SPTBN5: variants seen among roughly 807,000 people sequenced by gnomAD.
The protein encoded by SPTBN5 is spectrin beta chain, non-erythrocytic 5.
In SPTBN5, 513 loss-of-function variants were observed where a neutral mutation model predicts 477.6. That is an observed-to-expected ratio of 1.07 (90% CI 1.00 to 1.16). The LOEUF (loss-of-function observed/expected upper bound fraction) is 1.16, where lower values mean the gene tolerates loss of function less well. Among genes scored for constraint, SPTBN5 ranks in the 50% most tolerant of loss-of-function variants. SPTBN5 has a pLI of 0.00. For missense variants in SPTBN5, 5,062 were observed against 4,731.8 expected (o/e 1.07, Z -2.05); for synonymous variants, 2,169 against 2,011.7 (o/e 1.08, Z -2.09).
Position 41,849,946 on chromosome 15 carries a change from G to A in SPTBN5, c.10935C>T (p.Ser3645=), listed in dbSNP as rs1205192009. 1.3e-6 allele frequency: 2 copies of A among 1,593,424 alleles called. No homozygotes were observed. The highest frequency in any genetic ancestry group is 2.3e-5 in the East Asian group (1 of 43,994). ...ALGSTAAQSL[S]PKLKAKPVSS... is the part of the protein sequence containing the mutation. ...TGACAGGTTTGGCTTTGAGTTTTGG[G>A]CTCAGACTCTGGGCTGCAGAGCAAG... The change falls in exon 67 of 68, where the codon AGC becomes AGT. Residue 3645 remains serine (S), a synonymous_variant. Transcript: ENST00000320955.
rs1412531882 is a variant in SPTBN5, at chr15:41,873,757, G to A, written c.4890+88C>T. On this transcript the variant is annotated intron_variant, in intron 25 of 67. Transcript: ENST00000320955. ...CTCCCAGCCCAGAGCCCCCACCACT[G>A]ATCCGCCTCCCTGAGAGTCCCACAG... 5 of 1,554,916 alleles carry A rather than the reference G, an allele frequency of 3.2e-6. No individual in the cohort carries two copies. In the East Asian group the frequency reaches 1.1e-4, roughly 35 times the overall value.
Position 41,870,373 on chromosome 15 carries a change from G to A in SPTBN5, c.5563-20C>T, listed in dbSNP as rs755704564. 3 of 1,593,314 alleles carry A rather than the reference G, an allele frequency of 1.9e-6. No individual in the cohort carries two copies. Among genetic ancestry groups the A allele is most frequent in the South Asian group, 2.3e-5 (2 of 88,242 alleles). ...TTTCTCCTGAGGAAGGGAGAATGCC[G>A]AGGAGATGAGGGATGGAGCGTGGGC... is the stretch of plus-strand genomic sequence containing the variant. On this transcript the variant is annotated intron_variant, in intron 30 of 67. Transcript: ENST00000320955.
rs373502454 is a variant in SPTBN5 at position 41,868,568 on chromosome 15, G to A, written c.5887C>T (p.Arg1963Cys). ...CTCTCCTCCACCTGCAGGTCCTGGC[G>A]CACGCGGGCTGCCCAGGAGGCATAG... Reference protein sequence around the residue: ...RDYASWAARVRQDLQVEESSQ... With the variant: ...RDYASWAARVCQDLQVEESSQ... The change falls in exon 33 of 68, where the codon CGC (arginine) becomes TGC (cysteine). Residue 1963 changes from arginine (R) to cysteine (C), a missense_variant. Physicochemically the swap from Arg to Cys is radical, Grantham distance 180. Coordinates refer to ENST00000320955, the MANE Select transcript of SPTBN5 (RefSeq NM_016642.4). The A allele has an allele frequency of 7.6e-5, 121 of 1,601,788 alleles. No homozygotes were observed. Among genetic ancestry groups the A allele is most frequent in the Middle Eastern group, 1.6e-4 (1 of 6,080 alleles).
intron 44 of SPTBN5, 45 bp from the exon 45 acceptor site, chr15:41,861,968 C>CA: frequency 6.4e-7 from 1 of 1,569,854 alleles, no homozygotes; most frequent in South Asian, 1.2e-5. Flanking sequence ...GGAAGCAGCC[C>CA]AGCAGGCAGG....
intron 26 of SPTBN5, 89 bp downstream of exon 26, chr15:41,873,403 G>T: frequency 2.0e-6 from 2 of 989,968 alleles, no homozygotes; most frequent in East Asian, 2.6e-5. Context: ...GCAGGGCTCC[G>T]TGCCTCTGAG....
intron 20 of SPTBN5, 122 bp from the exon 21 acceptor site, chr15:41,876,406 G>T (rs1205468282): frequency 2.2e-6 from 3 of 1,382,470 alleles, no homozygotes; most frequent in Non-Finnish European, 2.9e-6. Context: ...AACCTGAGCT[G>T]TGTTGCCTGC....
In SPTBN5 at chr15:41,871,440, CGCCAGCA is replaced by C; in HGVS notation, c.5375_5381del (p.Leu1792ArgfsTer5). ...TGTGCCCACGCTCTAGCAGGCTCTC[CGCCAGCA>C]GCCGGCAGGCGGCCACCCGCTGGCT... On this transcript the variant is annotated frameshift_variant, in exon 29 of 68. Transcript: ENST00000320955. LOFTEE classifies it high-confidence loss of function. 1 of 1,542,340 alleles carries C rather than the reference CGCCAGCA, an allele frequency of 6.5e-7. No individual in the cohort carries two copies. The highest frequency in any genetic ancestry group is 8.7e-7 in the Non-Finnish European group (1 of 1,142,954).
Position 41,862,190 on chromosome 15 carries a change from G to A in SPTBN5, c.7488C>T (p.Ser2496=), listed in dbSNP as rs779094411. The A allele has an allele frequency of 3.7e-6, 6 of 1,609,892 alleles. No individual in the cohort carries two copies. The South Asian group carries it at 6.6e-5, about 18-fold the overall frequency. The stretch of plus-strand genomic sequence containing the variant: ...CTTCCACAGGGCTGCGAGGAGCGGG[G>A]CTCGTGTCCATCTGAGCCCGCAGCC... ...AQRLRAQMDT[S]PAPRSPVEAR... Residue 2496 remains serine, a synonymous_variant, in exon 44 of 68, where the codon AGC becomes AGT. Transcript: ENST00000320955.
rs531037972 is a variant in SPTBN5, at chr15:41,848,245, G to C, written c.*371C>G. ...GGGCTGGTACAGAGCTCGCTCATCAGTGTTCTTCCTCCGAAGAGCACATTC... is the reference window on the plus strand; with the variant it reads ...GGGCTGGTACAGAGCTCGCTCATCACTGTTCTTCCTCCGAAGAGCACATTC... On this transcript the variant is annotated 3_prime_UTR_variant, in exon 68 of 68. Transcript: ENST00000320955. The C allele has an allele frequency of 6.1e-6, 3 of 495,192 alleles. No individual in the cohort carries two copies. The highest frequency in any genetic ancestry group is 1.1e-5 in the Non-Finnish European group (3 of 272,770). 30.7% of individuals were successfully genotyped at this position (495,192 alleles called of 1,614,324 possible). A position where few individuals can be genotyped will look rare whatever the true frequency, so the allele number is the denominator to read the frequency against.
rs1162307346 is a variant in SPTBN5, at chr15:41,875,312, G to C, written c.4287+146C>G. The C allele has an allele frequency of 2.8e-6, 3 of 1,085,620 alleles. No homozygotes were observed. The African/African-American group carries it at 4.8e-5, about 17-fold the overall frequency. The allele number at this position is 1,085,620 out of a possible 1,614,324, so 67.2% of individuals were successfully genotyped here. On this transcript the variant is annotated intron_variant, in intron 22 of 67. Transcript: ENST00000320955. ...CCTGCATTGGCCGACTGAGCGGAAAGCCACGCTCAGCTTGTCCTAGGCCAG... is the reference window on the plus strand; with the variant it reads ...CCTGCATTGGCCGACTGAGCGGAAACCCACGCTCAGCTTGTCCTAGGCCAG...
intron 25 of SPTBN5, 113 bp from the exon 26 acceptor site, chr15:41,873,721 G>A (rs2066618916): frequency 6.8e-7 from 1 of 1,466,932 alleles, no homozygotes. Context: ...GCCCATAGGG[G>A]CACCCATCAG....
chr15:41,888,069 C>T lies in SPTBN5; in HGVS notation c.518G>A (p.Ser173Asn). 6.4e-7 allele frequency: 1 copy of T among 1,573,220 alleles called. No individual in the cohort carries two copies. The highest frequency in any genetic ancestry group is 8.6e-7 in the Non-Finnish European group (1 of 1,159,884). The change falls in exon 5 of 68, where the codon AGC becomes AAC. Residue 173 changes from serine to asparagine, a missense_variant. By Grantham distance (46) the Ser-to-Asn change is conservative (BLOSUM62 1). Coordinates refer to ENST00000320955, the MANE Select transcript of SPTBN5 (RefSeq NM_016642.4). ...TTCCTTGGTGGACAGCAGGGCTGCG[C>T]TGGCCCCAAACTCCTCCTGGCGGGA... ...ISLDKEEFGA[S>N]AALLSTKEAL...
chr15:41,854,241 T>C (rs2065866087), intron 56 of SPTBN5, 36 bp from the exon 57 acceptor site: 8 of 1,565,632 alleles, frequency 5.1e-6, no homozygotes, highest in Admixed American at 1.9e-5. Flanking sequence ...AGGGCTGTTC[T>C]CTGCTCCCAG....
chr15:41,868,101 C>A lies in SPTBN5; in HGVS notation c.6175G>T (p.Gly2059Cys), dbSNP rs576622167. The A allele has an allele frequency of 6.2e-7, 1 of 1,603,826 alleles. No homozygotes were observed. Among genetic ancestry groups the A allele is most frequent in the South Asian group, 1.1e-5 (1 of 89,158 alleles). ...GCCGCGAGGATCTCCTCCAGGCGGC[C>A]GCACTCTCTGAGGAAGAGCTGCTCC... Reference protein sequence around the residue: ...QQEQLFLRECGRLEEILAAQE... With the variant: ...QQEQLFLRECCRLEEILAAQE... The change falls in exon 34 of 68, where the codon GGC becomes TGC. Residue 2059 changes from glycine (G) to cysteine (C), a missense_variant. Gly to Cys is a radical substitution (Grantham distance 159). Transcript: ENST00000320955.
rs777075818 is a variant in SPTBN5, at chr15:41,872,283, G to A, written c.5165+19C>T. ...AGGCCTCCTGTACCCACTGATGAGA[G>A]GGGTTATGGTGTCCTCACCGTGTGG... On this transcript the variant is annotated intron_variant, in intron 27 of 67. Coordinates refer to ENST00000320955, the MANE Select transcript of SPTBN5 (RefSeq NM_016642.4). 6.2e-7 allele frequency: 1 copy of A among 1,605,542 alleles called. No homozygotes were observed. The highest frequency in any genetic ancestry group is 8.5e-7 in the Non-Finnish European group (1 of 1,176,176).
Position 41,861,430 on chromosome 15 carries a change from C to T in SPTBN5, c.7804G>A (p.Glu2602Lys). ...LCSKEDSLASEGLWDPLAPME... is the reference protein window; with the variant it reads ...LCSKEDSLASKGLWDPLAPME... The stretch of plus-strand genomic sequence containing the variant: ...TGCTGGGCACCTACCCATAGACCCT[C>T]ACTGGCTAGGGAGTCTTCCTTGCTG... The change falls in exon 46 of 68, where the codon GAG becomes AAG. Residue 2602 changes from glutamate (E) to lysine (K), a missense_variant. Coordinates refer to ENST00000320955, the MANE Select transcript of SPTBN5 (RefSeq NM_016642.4). 6.2e-7 allele frequency: 1 copy of T among 1,613,426 alleles called. No individual in the cohort carries two copies. The highest frequency in any genetic ancestry group is 8.5e-7 in the Non-Finnish European group (1 of 1,179,690).
At position 41,893,290 on chromosome 15, in the gene SPTBN5, A is replaced by C. The variant is rs2067371423; in HGVS notation, c.208T>G (p.Cys70Gly). 1 of 1,613,854 alleles carries C rather than the reference A, an allele frequency of 6.2e-7. No individual in the cohort carries two copies. The highest frequency in any genetic ancestry group is 1.7e-5 in the Admixed American group (1 of 60,012). Residue 70 changes from cysteine to glycine, a missense_variant, in exon 2 of 68, where the codon TGC becomes GGC. Cys to Gly is a radical substitution (Grantham distance 159). Coordinates refer to ENST00000320955, the MANE Select transcript of SPTBN5 (RefSeq NM_016642.4). ...CAGCTGGCTATACTCACCTGGCCGC[A>C]CTGGAAGACGTTATTGATCCACTTG... is the stretch of plus-strand genomic sequence containing the variant. Reference protein sequence around the residue: ...FTKWINNVFQCGQAGIKIRNL... With the variant: ...FTKWINNVFQGGQAGIKIRNL...
Position 41,882,647 on chromosome 15 carries a change from C to T in SPTBN5, c.1984G>A (p.Val662Met), listed in dbSNP as rs768289266. 6.2e-6 allele frequency: 10 copies of T among 1,607,820 alleles called. No individual in the cohort carries two copies. The highest frequency in any genetic ancestry group is 3.3e-4 in the Middle Eastern group (2 of 6,030). Reference sequence around the variant, plus strand: ...TCCCGGCCCAGGGCCGCATTCCCCACCCGCTGTCCGCACTCCTTCAGCCAG... The same window carrying T: ...TCCCGGCCCAGGGCCGCATTCCCCATCCGCTGTCCGCACTCCTTCAGCCAG... ...EAWLKECGQR[V>M]GNAALGRDLS... is the part of the protein sequence containing the mutation. Residue 662 changes from valine to methionine, a missense_variant, in exon 10 of 68, where the codon GTG (valine) becomes ATG (methionine). By Grantham distance (21) the Val-to-Met change is conservative (BLOSUM62 1). Coordinates refer to ENST00000320955, the MANE Select transcript of SPTBN5 (RefSeq NM_016642.4).
intron 3 of SPTBN5, among the ~76,000 whole-genome samples, chr15:41,891,193 C>A (rs2067299960): frequency 6.6e-6 from 1 of 152,154 alleles, no homozygotes; most frequent in Non-Finnish European, 1.5e-5. Context: ...CTGGTGTATC[C>A]TAGGGGAGTG....
Sources: allele counts gnomAD v4.1 joint callset (sites outside exome capture counted in the v4.1 genomes callset), GRCh38; gene constraint gnomAD v4.1.1; transcripts MANE v1.5; gene names NCBI Gene and HGNC (gene_info 2026-07-23, HGNC 2026-07-21).